ALDH18A1: variants seen among roughly 807,000 people sequenced by gnomAD.
The protein encoded by ALDH18A1 is delta-1-pyrroline-5-carboxylate synthase.
Under a neutral mutation model 88.8 loss-of-function variants are expected in ALDH18A1, and 44 were observed. The observed-to-expected ratio is 0.50, with a 90% CI of 0.39 to 0.64. The LOEUF (loss-of-function observed/expected upper bound fraction) is 0.64, where lower values mean the gene tolerates loss of function less well. Among genes scored for constraint, ALDH18A1 ranks in the 30% least tolerant of loss-of-function variants. ALDH18A1 has a pLI of 0.00. For missense variants in ALDH18A1, 782 were observed against 1,009.5 expected (o/e 0.77, Z 3.05); for synonymous variants, 331 against 372.1 (o/e 0.89, Z 1.27).
rs1466504070 is a variant in ALDH18A1 at position 95,637,292 on chromosome 10, C to T, written c.448G>A (p.Glu150Lys). 3 of 1,614,236 alleles carry T rather than the reference C, an allele frequency of 1.9e-6. No individual in the cohort carries two copies. The highest frequency in any genetic ancestry group is 1.6e-4 in the Middle Eastern group (1 of 6,062). The part of the protein sequence containing the change: ...ALHSGQNQLK[E>K]MAIPVLEARA... Reference sequence around the variant, plus strand: ...TGTGGGGAAGCAGCACTCACCATTTCTTTCAGCTGGTTCTGCCCCGAGTGG... The same window carrying T: ...TGTGGGGAAGCAGCACTCACCATTTTTTTCAGCTGGTTCTGCCCCGAGTGG... The change falls in exon 4 of 18, where the codon GAA (glutamate) becomes AAA (lysine). Residue 150 changes from glutamate (E) to lysine (K), a missense_variant. Coordinates refer to ENST00000371224, the MANE Select transcript of ALDH18A1 (RefSeq NM_002860.4).
intron 7 of ALDH18A1, 119 bp from the exon 8 acceptor site, chr10:95,628,611 T>A: frequency 8.2e-7 from 1 of 1,224,680 alleles, no homozygotes; most frequent in Non-Finnish European, 1.2e-6. Flanking sequence ...TCCACTGCAC[T>A]ACCACCTGCT....
intron 2 of ALDH18A1, among the ~76,000 whole-genome samples, chr10:95,651,105 C>A (rs1213349061): frequency 1.3e-5 from 2 of 151,986 alleles, no homozygotes; most frequent in African/African-American, 4.8e-5. Context: ...TACACTCCAG[C>A]CTGGGTGACA....
intron 7 of ALDH18A1, among the ~76,000 whole-genome samples, chr10:95,629,651 G>GGAAAGATT (rs1371365742): frequency 6.6e-6 from 1 of 152,106 alleles, no homozygotes; most frequent in East Asian, 1.9e-4. Flanking sequence ...TATTAGTACA[G>GGAAAGATT]GAAAGATTGG....
In ALDH18A1 at chr10:95,643,044, C is replaced by A. The variant is rs121434582; in HGVS notation, c.251G>T (p.Arg84Leu). 1 of 1,613,974 alleles carries A rather than the reference C, an allele frequency of 6.2e-7. No individual in the cohort carries two copies. Among genetic ancestry groups the A allele is most frequent in the Non-Finnish European group, 8.5e-7 (1 of 1,179,924 alleles). The change falls in exon 3 of 18, where the codon CGA becomes CTA. Residue 84 changes from arginine (R) to leucine (L), a missense_variant. Physicochemically the swap from Arg to Leu is moderately radical, Grantham distance 102. Transcript: ENST00000371224. ...VVKLGSAVVTRGDECGLALGR... is the reference protein window; with the variant it reads ...VVKLGSAVVTLGDECGLALGR... ...CAGGGCCAGGCCACATTCATCCCCT[C>A]GGGTCACCACGGCACTGCCGAGCTT...
rs373204838 is a variant in ALDH18A1 at position 95,656,528 on chromosome 10, T to G, written c.-29+69A>C. 2.0e-5 allele frequency: 3 copies of G among 152,346 alleles called. No individual in the cohort carries two copies. In the East Asian group the frequency reaches 5.8e-4, roughly 30 times the overall value. The allele number at this position is 152,346 out of a possible 1,614,324, so 9.4% of individuals were successfully genotyped here. On this transcript the variant is annotated intron_variant, in intron 1 of 17. Transcript: ENST00000371224. Reference sequence around the variant, plus strand: ...GCCCGGCGCTCACGCCCCTCGCGCTTGAGCCTGGGCGCGCAACAGCTTCCG... The same window carrying G: ...GCCCGGCGCTCACGCCCCTCGCGCTGGAGCCTGGGCGCGCAACAGCTTCCG...
At chr10:95,616,737 C>A in intron 12 of ALDH18A1, 123 bp from the exon 13 acceptor site, 1 of 1,268,968 alleles carries the variant, frequency 7.9e-7, no homozygotes. Flanking sequence ...AAGGCCTATG[C>A]TGTTTCATCT....
chr10:95,637,924 A>G (rs921143705), intron 3 of ALDH18A1, among the ~76,000 whole-genome samples: 13 of 151,992 alleles, frequency 8.6e-5, no homozygotes, highest in Non-Finnish European at 1.2e-4. Context: ...TCGCACCACC[A>G]CACTCCAACC....
intron 10 of ALDH18A1, among the ~76,000 whole-genome samples, chr10:95,626,183 C>T (rs2139587056): frequency 6.6e-6 from 1 of 152,240 alleles, no homozygotes; most frequent in South Asian, 2.1e-4. Context: ...CCACACACAT[C>T]TTCACTCTCA....
chr10:95,649,630 C>T (rs1434609227), intron 2 of ALDH18A1, among the ~76,000 whole-genome samples: 4 of 152,040 alleles, frequency 2.6e-5, no homozygotes, highest in Non-Finnish European at 5.9e-5. Flanking sequence ...GCTGGGATTA[C>T]AGGCGTGAGC....
intron 8 of ALDH18A1, among the ~76,000 whole-genome samples, chr10:95,628,050 A>G (rs910539988): frequency 3.3e-5 from 5 of 152,232 alleles, no homozygotes; most frequent in Admixed American, 1.3e-4. Flanking sequence ...ACAATTTTTG[A>G]AAGATTTCAT....
intron 3 of ALDH18A1, among the ~76,000 whole-genome samples, chr10:95,639,806 G>A: frequency 6.6e-6 from 1 of 151,322 alleles, no homozygotes; most frequent in Admixed American, 6.6e-5. Flanking sequence ...GTAATTTTTT[G>A]TTAAACTGAG....
At chr10:95,628,529 T>C (rs2097863580) in intron 7 of ALDH18A1, 37 bp from the exon 8 acceptor site, 3 of 1,607,310 alleles carry the variant, frequency 1.9e-6, no homozygotes, top group Admixed American at 1.7e-5. Flanking sequence ...ACTGCTTTGA[T>C]GGAAGTGTCT....
rs747918055 is a variant in ALDH18A1, at chr10:95,606,767, T to C, written c.2383A>G (p.Asn795Asp). The change falls in exon 18 of 18, where the codon AAC (asparagine) becomes GAC (aspartate). Residue 795 changes from asparagine (N) to aspartate (D), a missense_variant. Asn to Asp is a conservative substitution (Grantham distance 23). This residue lies in a region of ALDH18A1 where 556 missense variants were observed against 654.5 expected (regional missense o/e 0.85). Coordinates refer to ENST00000371224, the MANE Select transcript of ALDH18A1 (RefSeq NM_002860.4). ...ENLPIPQRNTN is the reference protein window; with the variant it reads ...ENLPIPQRNTD Reference sequence around the variant, plus strand: ...CCGGGTTTTCCTGGCTCTTTTCAGTTGGTGTTTCTCTGAGGAATAGGGAGG... The same window carrying C: ...CCGGGTTTTCCTGGCTCTTTTCAGTCGGTGTTTCTCTGAGGAATAGGGAGG... The C allele has an allele frequency of 8.1e-6, 13 of 1,614,048 alleles. No individual in the cohort carries two copies. The highest frequency in any genetic ancestry group is 2.2e-5 in the South Asian group (2 of 91,080).
At chr10:95,618,300 T>G (rs2097847107) in intron 12 of ALDH18A1, among the ~76,000 whole-genome samples, 1 of 152,128 alleles carries the variant, frequency 6.6e-6, no homozygotes, top group South Asian at 2.1e-4. Flanking sequence ...CTGTGATATG[T>G]CAACTTGCTT....
chr10:95,651,831 A>T (rs1404901269), intron 2 of ALDH18A1, among the ~76,000 whole-genome samples: 1 of 152,224 alleles, frequency 6.6e-6, no homozygotes, highest in Non-Finnish European at 1.5e-5. Context: ...TATGTAAAAA[A>T]CTAAACATGT....
intron 12 of ALDH18A1, among the ~76,000 whole-genome samples, chr10:95,619,368 G>GTAAT (rs1365665206): frequency 2.0e-5 from 3 of 152,138 alleles, no homozygotes; most frequent in African/African-American, 7.2e-5. Flanking sequence ...ACTGCCCAAG[G>GTAAT]TAATTTATAG....
intron 6 of ALDH18A1, 33 bp from the exon 7 acceptor site, chr10:95,633,082 G>T (rs887709072): frequency 6.4e-7 from 1 of 1,557,518 alleles, no homozygotes; most frequent in Non-Finnish European, 8.9e-7. Flanking sequence ...ATAAGTGAGT[G>T]AGCTAAGCAG....
intron 8 of ALDH18A1, 44 bp from the exon 9 acceptor site, chr10:95,627,630 A>G (rs972221350): frequency 1.9e-6 from 3 of 1,609,124 alleles, no homozygotes; most frequent in Non-Finnish European, 2.6e-6. Flanking sequence ...ATTCAGACCT[A>G]TTCACCCACA....
At chr10:95,627,224 T>C (rs2097861646) in intron 9 of ALDH18A1, among the ~76,000 whole-genome samples, 1 of 152,146 alleles carries the variant, frequency 6.6e-6, no homozygotes, top group Admixed American at 6.5e-5. Context: ...AGAAAATCAA[T>C]GCTTATATAT....
Sources: allele counts gnomAD v4.1 joint callset (sites outside exome capture counted in the v4.1 genomes callset), GRCh38; gene constraint gnomAD v4.1.1; regional missense constraint gnomAD v4.1.1; transcripts MANE v1.5; gene names NCBI Gene and HGNC (gene_info 2026-07-23, HGNC 2026-07-21).